TSHZ2: variants seen among roughly 807,000 people sequenced by gnomAD.
TSHZ2 encodes teashirt zinc finger homeobox 2.
TSHZ2 carries 21 observed loss-of-function variants against 74.4 expected under a neutral mutation model. The ratio of observed to expected loss-of-function variants is 0.28; its 90% CI spans 0.20 to 0.41. The LOEUF (loss-of-function observed/expected upper bound fraction) is 0.41. Among genes scored for constraint, TSHZ2 ranks in the 10% least tolerant of loss-of-function variants. TSHZ2 has a pLI of 1.00. For synonymous variants in TSHZ2, 540 were observed against 515.3 expected, an observed-to-expected ratio of 1.05 and a Z score of -0.65; for missense variants, 1,244 against 1,293.5, an observed-to-expected ratio of 0.96 and a Z score of 0.59.
At chr20:53,138,178 C>A (rs771607082) in intron 1 of TSHZ2, among the ~76,000 whole-genome samples, 1 of 151,972 alleles carries the variant, frequency 6.6e-6, no homozygotes, top group Non-Finnish European at 1.5e-5. Context: ...GTCAGGAGAT[C>A]GCGACCATCC....
intron 2 of TSHZ2, among the ~76,000 whole-genome samples, chr20:53,290,297 A>G (rs571111945): frequency 6.6e-6 from 1 of 152,044 alleles, no homozygotes; most frequent in African/African-American, 2.4e-5. Context: ...CACAACTTCA[A>G]AGGTTTATAG....
At chr20:53,231,682 A>G (rs1989827621) in intron 1 of TSHZ2, among the ~76,000 whole-genome samples, 1 of 152,074 alleles carries the variant, frequency 6.6e-6, no homozygotes, top group South Asian at 2.1e-4. Flanking sequence ...GGTCTTTAAG[A>G]AATCACCCAA....
rs1389187612 is a variant in TSHZ2, at chr20:53,493,713, A to G, written c.*6578A>G. The G allele has an allele frequency of 1.3e-5, 2 of 151,562 alleles. No individual in the cohort carries two copies. The highest frequency in any genetic ancestry group is 4.9e-5 in the African/African-American group (2 of 41,232). 9.4% of individuals were successfully genotyped at this position (151,562 alleles called of 1,614,324 possible). ...CAAAACCATGTTTCACTTCTTTTTG[A>G]TGATTATAAATTGTCCTTGCAATGA... On this transcript the variant is annotated 3_prime_UTR_variant, in exon 3 of 3. Transcript: ENST00000371497.
intron 2 of TSHZ2, among the ~76,000 whole-genome samples, chr20:53,455,808 G>GTGTT (rs1253357162): frequency 2.6e-5 from 4 of 151,224 alleles, no homozygotes; most frequent in Non-Finnish European, 2.9e-5. Flanking sequence ...AGAATATGCA[G>GTGTT]TGTTTGGTTT....
chr20:52,973,215 G>T lies in TSHZ2; in HGVS notation c.-79G>T. The T allele has an allele frequency of 6.5e-7, 1 of 1,539,834 alleles. No individual in the cohort carries two copies. Among genetic ancestry groups the T allele is most frequent in the African/African-American group, 1.4e-5 (1 of 72,916 alleles). Reference sequence around the variant, plus strand: ...CCGGGCAAGAGGCGGAGGAGACCCAGAGAGGCCAGAGAGACAGCGGGCCCC... The same window carrying T: ...CCGGGCAAGAGGCGGAGGAGACCCATAGAGGCCAGAGAGACAGCGGGCCCC... On this transcript the variant is annotated 5_prime_UTR_variant, in exon 1 of 3. Transcript: ENST00000371497.
At chr20:53,355,141 C>T (rs1355357113) in intron 2 of TSHZ2, among the ~76,000 whole-genome samples, 1 of 152,020 alleles carries the variant, frequency 6.6e-6, no homozygotes. Flanking sequence ...TCCCATAGAG[C>T]TTAAATTGTA....
chr20:53,223,222 T>A (rs185981717), intron 1 of TSHZ2, among the ~76,000 whole-genome samples: 2 of 152,260 alleles, frequency 1.3e-5, no homozygotes, highest in Non-Finnish European at 2.9e-5. Flanking sequence ...ATGGCAGGAT[T>A]TCCCAAGTAT....
intron 1 of TSHZ2, among the ~76,000 whole-genome samples, chr20:53,219,940 A>C (rs1403242109): frequency 1.3e-5 from 2 of 152,222 alleles, no homozygotes; most frequent in Non-Finnish European, 2.9e-5. Context: ...TCGATTTTGC[A>C]AAAGGAAACT....
chr20:53,420,234 C>T (rs1049537799), intron 2 of TSHZ2, among the ~76,000 whole-genome samples: 2 of 152,150 alleles, frequency 1.3e-5, no homozygotes, highest in African/African-American at 2.4e-5. Context: ...GGAGGATGCT[C>T]AGTTCAAAAC....
At chr20:53,124,551 C>T (rs753864358) in intron 1 of TSHZ2, among the ~76,000 whole-genome samples, 6 of 152,198 alleles carry the variant, frequency 3.9e-5, no homozygotes, top group Non-Finnish European at 7.3e-5. Flanking sequence ...CCAGGAATTG[C>T]CAACTTGGCT....
chr20:53,131,394 C>T (rs573391140), intron 1 of TSHZ2, among the ~76,000 whole-genome samples: 7 of 152,166 alleles, frequency 4.6e-5, no homozygotes, highest in Non-Finnish European at 8.8e-5. Context: ...CAGGGACTCC[C>T]TGCAATCTAG....
chr20:53,268,863 G>A lies in TSHZ2; in HGVS notation c.*8+12292G>A, dbSNP rs571008839. On this transcript the variant is annotated intron_variant, in intron 2 of 2. Transcript: ENST00000371497. ...ACTGTCAGAGGTCAGATCAGGCTTC[G>A]GGGTCAGACACACCTGGGTTCAAAT... Among the ~76,000 whole-genome samples, 16 of 152,220 alleles carry A rather than the reference G, an allele frequency of 1.1e-4. No individual in the cohort carries two copies. In the East Asian group the frequency reaches 2.5e-3, roughly 24 times the overall value.
intron 2 of TSHZ2, among the ~76,000 whole-genome samples, chr20:53,312,619 C>T (rs553868186): frequency 8.5e-5 from 13 of 152,214 alleles, no homozygotes; most frequent in Non-Finnish European, 7.4e-5. Context: ...TTCCAAGCAC[C>T]GCGTGGGTGA....
intron 2 of TSHZ2, among the ~76,000 whole-genome samples, chr20:53,422,101 G>A (rs111368887): frequency 0.015 from 2,228 of 152,116 alleles, 62 homozygotes; most frequent in African/African-American, 0.05. Context: ...GTTGGGTTTC[G>A]TATTTTCTTT....
At chr20:53,309,846 G>T (rs1321633700) in intron 2 of TSHZ2, among the ~76,000 whole-genome samples, 1 of 152,158 alleles carries the variant, frequency 6.6e-6, no homozygotes, top group Non-Finnish European at 1.5e-5. Flanking sequence ...AGTGTGCTCT[G>T]TGTAACATGA....
chr20:53,394,869 A>G (rs1600604662), intron 2 of TSHZ2, among the ~76,000 whole-genome samples: 1 of 148,904 alleles, frequency 6.7e-6, no homozygotes, highest in African/African-American at 2.5e-5. Flanking sequence ...CAAAAAAAAA[A>G]AAAAAAAAAA....
rs868138187 is a variant in TSHZ2 at position 53,478,569 on chromosome 20, G to A, written c.*9-8575G>A. 8.0e-5 allele frequency among the ~76,000 whole-genome samples: 12 copies of A among 150,838 alleles called. No individual in the cohort carries two copies. The Middle Eastern group carries it at 0.01, about 130-fold the overall frequency. On this transcript the variant is annotated intron_variant, in intron 2 of 2. Transcript: ENST00000371497. Reference sequence around the variant, plus strand: ...GGAGATATACCTAATGCTAGATGACGAGTTGGTGGGTGCAGCGCACCAGCA... The same window carrying A: ...GGAGATATACCTAATGCTAGATGACAAGTTGGTGGGTGCAGCGCACCAGCA...
At chr20:53,242,763 C>T (rs916954) in intron 1 of TSHZ2, among the ~76,000 whole-genome samples, 60,671 of 152,006 alleles carry the variant, frequency 0.4, 12,663 homozygotes, top group East Asian at 0.61. Flanking sequence ...AAGTTTTGAA[C>T]AGAATCTAAG....
chr20:52,993,276 C>T (rs1310897494), intron 1 of TSHZ2, among the ~76,000 whole-genome samples: 2 of 152,140 alleles, frequency 1.3e-5, no homozygotes, highest in African/African-American at 2.4e-5. Context: ...TGCATTCCCC[C>T]GGGCAACATA....
Sources: gnomAD v4.1 joint callset for allele counts (sites outside exome capture counted in the v4.1 genomes callset) on GRCh38, gnomAD v4.1.1 for gene constraint, MANE v1.5 for transcripts, NCBI Gene and HGNC (gene_info 2026-07-23, HGNC 2026-07-21) for gene names.